MAGI1: variants seen among roughly 807,000 people sequenced by gnomAD.
MAGI1 encodes membrane-associated guanylate kinase, WW and PDZ domain-containing protein 1.
Under a neutral mutation model 139.9 loss-of-function variants are expected in MAGI1, and 58 were observed. The ratio of observed to expected loss-of-function variants is 0.41; its 90% CI spans 0.34 to 0.52. The LOEUF is 0.52. MAGI1 is among the 20% of genes least tolerant of loss of function. The pLI, the probability that MAGI1 is intolerant of heterozygous loss-of-function variation, is 0.12. For synonymous variants in MAGI1, 812 were observed against 737.9 expected (o/e 1.10, Z -1.63); for missense variants, 1,874 against 1,901.6 (o/e 0.99, Z 0.27).
chr3:65,764,931 G>A (rs2037344307), intron 1 of MAGI1, among the ~76,000 whole-genome samples: 1 of 152,166 alleles, frequency 6.6e-6, no homozygotes, highest in African/African-American at 2.4e-5. Context: ...AACAGACTAT[G>A]TACTAATTTT....
chr3:65,796,678 A>G (rs2040170403), intron 1 of MAGI1, among the ~76,000 whole-genome samples: 1 of 152,222 alleles, frequency 6.6e-6, no homozygotes, highest in Non-Finnish European at 1.5e-5. Context: ...CTGAATAATA[A>G]TATGCTATTC....
chr3:66,006,586 TA>T (rs951787644), intron 1 of MAGI1, among the ~76,000 whole-genome samples: 2 of 152,130 alleles, frequency 1.3e-5, no homozygotes, highest in African/African-American at 4.8e-5. Context: ...AATGCTGAAG[TA>T]AAGCTTTTTC....
At position 66,020,414 on chromosome 3, in the gene MAGI1, A is replaced by C. The variant is rs148950667; in HGVS notation, c.313+17582T>G. On this transcript the variant is annotated intron_variant, in intron 1 of 22. Transcript: ENST00000402939. Reference sequence around the variant, plus strand: ...CATTACACTCCAGCCTCGGTGACAGAGCGAGACTCTATCTCAAAAAGAAGA... The same window carrying C: ...CATTACACTCCAGCCTCGGTGACAGCGCGAGACTCTATCTCAAAAAGAAGA... Among the ~76,000 whole-genome samples the C allele has an allele frequency of 5.9e-5, 9 of 152,294 alleles. No individual in the cohort carries two copies. The East Asian group carries it at 9.7e-4, about 16-fold the overall frequency.
chr3:65,547,898 A>C (rs1255637862), intron 2 of MAGI1, among the ~76,000 whole-genome samples: 1 of 152,216 alleles, frequency 6.6e-6, no homozygotes, highest in African/African-American at 2.4e-5. Context: ...AACATACCAC[A>C]TGTTGAGAAA....
chr3:65,961,860 T>A (rs2064442963), intron 1 of MAGI1, among the ~76,000 whole-genome samples: 1 of 152,212 alleles, frequency 6.6e-6, no homozygotes, highest in Non-Finnish European at 1.5e-5. Context: ...CAGATAAACA[T>A]CATGAATGTT....
chr3:65,727,481 C>T (rs2033745255), intron 1 of MAGI1, among the ~76,000 whole-genome samples: 1 of 152,210 alleles, frequency 6.6e-6, no homozygotes, highest in African/African-American at 2.4e-5. Context: ...CCTCCAGCCT[C>T]AGCCTCCTGA....
intron 2 of MAGI1, among the ~76,000 whole-genome samples, chr3:65,581,485 G>A (rs1422662095): frequency 2.0e-5 from 3 of 152,084 alleles, no homozygotes; most frequent in Non-Finnish European, 4.4e-5. Flanking sequence ...TCATCTTCTA[G>A]TACTTTCACT....
intron 1 of MAGI1, among the ~76,000 whole-genome samples, chr3:65,916,232 A>G (rs2061898677): frequency 6.6e-6 from 1 of 151,940 alleles, no homozygotes; most frequent in African/African-American, 2.4e-5. Flanking sequence ...ACACCCAACC[A>G]GTTTTTTTGT....
chr3:65,356,341 C>G lies in MAGI1; in HGVS notation c.*37G>C. ...AGGTTTGTGACTTTCCTCTTAGAAC[C>G]TTTGACACGGTAAAGGTTGGAATGT... On this transcript the variant is annotated 3_prime_UTR_variant, in exon 23 of 23. Coordinates refer to ENST00000402939, the MANE Select transcript of MAGI1 (RefSeq NM_001033057.2). The G allele has an allele frequency of 6.6e-7, 1 of 1,517,900 alleles. No individual in the cohort carries two copies. Among genetic ancestry groups the G allele is most frequent in the Middle Eastern group, 1.8e-4 (1 of 5,612 alleles). 94.0% of individuals were successfully genotyped at this position (1,517,900 alleles called of 1,614,324 possible).
chr3:65,977,376 G>A (rs1377177073), intron 1 of MAGI1, among the ~76,000 whole-genome samples: 3 of 152,102 alleles, frequency 2.0e-5, no homozygotes, highest in African/African-American at 7.2e-5. Flanking sequence ...TTCGAAACCA[G>A]ATCACGCCAC....
chr3:65,695,126 C>A (rs1182085178), intron 1 of MAGI1, among the ~76,000 whole-genome samples: 1 of 152,164 alleles, frequency 6.6e-6, no homozygotes. Context: ...CCATTCTCTT[C>A]TACTCCCCTG....
chr3:65,741,652 C>T (rs1031982640), intron 1 of MAGI1, among the ~76,000 whole-genome samples: 4 of 152,158 alleles, frequency 2.6e-5, no homozygotes, highest in Middle Eastern at 3.2e-3. Flanking sequence ...AAAGAAGCCA[C>T]GTTGAGAAGA....
chr3:65,859,128 T>C (rs1392773188), intron 1 of MAGI1, among the ~76,000 whole-genome samples: 2 of 151,564 alleles, frequency 1.3e-5, no homozygotes, highest in Non-Finnish European at 2.9e-5. Flanking sequence ...CGGTCAGGAG[T>C]TCGAGACCCG....
chr3:65,590,244 T>C (rs1352479453), intron 2 of MAGI1, among the ~76,000 whole-genome samples: 2 of 152,190 alleles, frequency 1.3e-5, no homozygotes. Flanking sequence ...ATTGGCCATG[T>C]ATGTGTCTCT....
At chr3:66,002,051 T>C (rs1031226592) in intron 1 of MAGI1, among the ~76,000 whole-genome samples, 1 of 152,238 alleles carries the variant, frequency 6.6e-6, no homozygotes, top group Non-Finnish European at 1.5e-5. Context: ...ACAGGCTTCC[T>C]GCCTCAATTT....
chr3:65,515,399 C>T lies in MAGI1; in HGVS notation c.431-21768G>A, dbSNP rs369748995. On this transcript the variant is annotated intron_variant, in intron 2 of 22. Coordinates refer to ENST00000402939, the MANE Select transcript of MAGI1 (RefSeq NM_001033057.2). Reference sequence around the variant, plus strand: ...AATTTTTTGTTTTGTTTTACATAAGCAAAACAGAAAATGAAACATCTAAGA... The same window carrying T: ...AATTTTTTGTTTTGTTTTACATAAGTAAAACAGAAAATGAAACATCTAAGA... Among the ~76,000 whole-genome samples the T allele has an allele frequency of 9.9e-5, 15 of 151,528 alleles. 1 individual carries two copies. The South Asian group carries it at 3.1e-3, about 31-fold the overall frequency.
chr3:65,491,929 A>G (rs1437192185), intron 3 of MAGI1, among the ~76,000 whole-genome samples: 2 of 152,178 alleles, frequency 1.3e-5, no homozygotes, highest in Non-Finnish European at 2.9e-5. Flanking sequence ...GTACAAAGAC[A>G]ATGCTCCTTC....
At chr3:66,029,777 G>T (rs966980903) in intron 1 of MAGI1, among the ~76,000 whole-genome samples, 1 of 152,126 alleles carries the variant, frequency 6.6e-6, no homozygotes, top group Non-Finnish European at 1.5e-5. Flanking sequence ...ATTCATGTTG[G>T]TGGGGAGCAC....
At chr3:65,476,234 G>A (rs13321993) in intron 4 of MAGI1, among the ~76,000 whole-genome samples, 1,639 of 152,258 alleles carry the variant, frequency 0.011, 33 homozygotes, top group African/African-American at 0.037. Flanking sequence ...TAAGTGAGGG[G>A]ACAGTCAACG....
Sources: gnomAD v4.1 joint callset for allele counts (sites outside exome capture counted in the v4.1 genomes callset) on GRCh38, gnomAD v4.1.1 for gene constraint, MANE v1.5 for transcripts, NCBI Gene and HGNC (gene_info 2026-07-23, HGNC 2026-07-21) for gene names.